The following ZBED6 variants were observed in gnomAD, a reference collection of about 807,000 sequenced individuals.
The protein encoded by ZBED6 is zinc finger BED domain-containing protein 6.
Under a neutral mutation model 58.4 loss-of-function variants are expected in ZBED6, and 40 were observed. The observed-to-expected ratio is 0.68, with a 90% CI of 0.53 to 0.89. ZBED6 has a LOEUF of 0.89. Ranked by LOEUF, ZBED6 falls within the 40% of genes least tolerant of loss-of-function variation. The pLI, the probability that ZBED6 is intolerant of heterozygous loss-of-function variation, is 0.00. For missense variants in ZBED6, 1,057 were observed against 1,003.9 expected (o/e 1.05, Z -0.71); for synonymous variants, 439 against 350.6 (o/e 1.25, Z -2.82).
intron 3 of ZBED6, 32 bp from the exon 4 acceptor site, chr1:203,828,267 A>C: frequency 1.9e-6 from 3 of 1,613,280 alleles, no homozygotes; most frequent in Non-Finnish European, 2.5e-6. Flanking sequence ...TCACTGTTTT[A>C]TTTGAAAGCA....
At chr1:203,800,047 C>T (rs1224337109) in exon 1 of ZBED6, 1 of 1,536,108 alleles carries the variant, frequency 6.5e-7, no homozygotes, top group South Asian at 1.2e-5. Context: ...AGTTCAGGTT[C>T]TGTTGATAGC....
intron 1 of ZBED6, among the ~76,000 whole-genome samples, chr1:203,812,782 A>G (rs977661953): frequency 6.6e-6 from 1 of 151,880 alleles, no homozygotes; most frequent in Non-Finnish European, 1.5e-5. Context: ...GGGTCTCACC[A>G]TGTTTGCCAA....
chr1:203,848,522 T>TAA, intron 13 of ZBED6, 115 bp downstream of exon 13: 2 of 716,914 alleles, frequency 2.8e-6, no homozygotes, highest in African/African-American at 3.7e-5. Context: ...GTAAACAGTC[T>TAA]TTCTTTTTAC....
At chr1:203,831,375 A>G (rs1682307265) in intron 7 of ZBED6, among the ~76,000 whole-genome samples, 1 of 152,158 alleles carries the variant, frequency 6.6e-6, no homozygotes, top group Non-Finnish European at 1.5e-5. Context: ...TAATTTTAGA[A>G]TAATACTAGC....
exon 1 of ZBED6, chr1:203,799,259 C>G: frequency 2.6e-6 from 2 of 762,506 alleles, no homozygotes; most frequent in Non-Finnish European, 4.5e-6. Context: ...GTGGTTTTAC[C>G]CATGTGCCAT....
exon 1 of ZBED6, chr1:203,796,772 C>T (rs1668653082): frequency 3.8e-6 from 1 of 262,166 alleles, no homozygotes; most frequent in South Asian, 1.7e-4. Context: ...CTTGAATTAA[C>T]TCTTAATACA....
exon 1 of ZBED6, chr1:203,797,512 A>G: frequency 1.3e-6 from 2 of 1,483,144 alleles, no homozygotes; most frequent in Non-Finnish European, 8.9e-7. Flanking sequence ...AATTGTGGAG[A>G]CATAAAGAGA....
At chr1:203,817,038 A>G (rs779429270) in exon 2 of ZBED6, 235 of 1,573,970 alleles carry the variant, frequency 1.5e-4, no homozygotes, top group Non-Finnish European at 1.9e-4. Flanking sequence ...GCTTGTTTCA[A>G]GAAGCCACTT....
chr1:203,840,758 C>G (rs564613037), intron 11 of ZBED6, among the ~76,000 whole-genome samples: 18 of 151,946 alleles, frequency 1.2e-4, no homozygotes, highest in Non-Finnish European at 2.2e-4. Flanking sequence ...CTCAGCCTAC[C>G]GAGTAGCTAG....
At chr1:203,805,653 C>T in intron 1 of ZBED6, 1 of 705,376 alleles carries the variant, frequency 1.4e-6, no homozygotes, top group Admixed American at 1.8e-5. Flanking sequence ...CCAAATTCAT[C>T]CACCAGAACT....
At chr1:203,846,351 GT>G (rs1558142917) in intron 11 of ZBED6, among the ~76,000 whole-genome samples, 1 of 152,106 alleles carries the variant, frequency 6.6e-6, no homozygotes, top group African/African-American at 2.4e-5. Context: ...AACGATTAAT[GT>G]ATCATTGAAA....
intron 15 of ZBED6, 63 bp from the exon 16 acceptor site, chr1:203,850,994 A>G (rs1689109680): frequency 6.4e-7 from 1 of 1,568,688 alleles, no homozygotes; most frequent in Admixed American, 1.8e-5. Flanking sequence ...AGCAAAAGAA[A>G]ATGAATATGC....
intron 3 of ZBED6, among the ~76,000 whole-genome samples, chr1:203,822,547 G>A (rs1396862644): frequency 6.6e-6 from 1 of 152,004 alleles, no homozygotes; most frequent in East Asian, 1.9e-4. Flanking sequence ...CTCCAACTCT[G>A]TACCAGGTTC....
rs977858622 is a variant in ZBED6, at chr1:203,825,742, A to G, written c.*2874-2557A>G. 5.3e-5 allele frequency among the ~76,000 whole-genome samples: 8 copies of G among 152,248 alleles called. No individual in the cohort carries two copies. The South Asian group carries it at 1.7e-3, about 32-fold the overall frequency. On this transcript the variant is annotated intron_variant, in intron 3 of 16. Coordinates refer to ENST00000550078, the Ensembl canonical transcript of ZBED6. The stretch of plus-strand genomic sequence containing the variant: ...GCCTGGCATGTGGAGGATATTACTA[A>G]GGAAAAATGTACAGAATTACATGGA...
chr1:203,817,051 G>C, exon 2 of ZBED6: 1 of 1,597,566 alleles, frequency 6.3e-7, no homozygotes, highest in East Asian at 2.3e-5. Flanking sequence ...AGCCACTTCT[G>C]ATCTAAGAAT....
At chr1:203,815,379 C>CTTT (rs397711285) in intron 1 of ZBED6, among the ~76,000 whole-genome samples, 16 of 96,898 alleles carry the variant, frequency 1.7e-4, no homozygotes, top group Admixed American at 2.6e-4. Flanking sequence ...CCACACCCAG[C>CTTT]TTTTTTTTTT....
exon 1 of ZBED6, chr1:203,800,540 CATT>C: frequency 7.5e-7 from 1 of 1,328,244 alleles, no homozygotes; most frequent in South Asian, 1.7e-5. Context: ...TAAATATAAT[CATT>C]ATCTTTATAA....
intron 3 of ZBED6, among the ~76,000 whole-genome samples, chr1:203,820,510 C>CG (rs1390833621): frequency 2.3e-5 from 3 of 127,908 alleles, no homozygotes; most frequent in African/African-American, 8.5e-5. Context: ...CAGAGTCTCG[C>CG]GCTGTTACCC....
At chr1:203,835,484 A>G (rs1684011413) in intron 9 of ZBED6, 1 of 156,352 alleles carries the variant, frequency 6.4e-6, no homozygotes, top group Non-Finnish European at 1.4e-5. Flanking sequence ...AAATCAAGAA[A>G]CAATAACAGT....
Sources: allele counts gnomAD v4.1 joint callset (sites outside exome capture counted in the v4.1 genomes callset), GRCh38; gene constraint gnomAD v4.1.1; transcripts MANE v1.5; gene names NCBI Gene and HGNC (gene_info 2026-07-23, HGNC 2026-07-21).